Variants in TAF1 observed in about 807,000 individuals in gnomAD.
The protein encoded by TAF1 is TATA-box binding protein associated factor 1, also known as transcription initiation factor TFIID subunit 1.
A neutral mutation model predicts 138.5 loss-of-function variants in TAF1; 2 were observed. The observed-to-expected ratio is 0.01, with a 90% CI of 0.01 to 0.05. TAF1 has a LOEUF of 0.05. Ranked by LOEUF, TAF1 falls within the 10% of genes least tolerant of loss-of-function variation. The probability of loss-of-function intolerance (pLI) is 1.00; values close to 1 mark genes in which losing one functional copy is unlikely to be tolerated. For synonymous variants in TAF1, 437 were observed against 503.2 expected, an observed-to-expected ratio of 0.87 and a Z score of 1.76; for missense variants, 709 against 1,478.0, an observed-to-expected ratio of 0.48 and a Z score of 8.53.
chrX:71,520,014 A>G (rs1569416687), intron 13 of TAF1, among the ~76,000 whole-genome samples: 1 of 108,388 alleles, frequency 9.2e-6, no homozygotes, highest in Non-Finnish European at 1.9e-5. Flanking sequence ...GGGTTTCGCC[A>G]TGTTGGTCAG....
At chrX:71,529,239 T>C (rs1024156787) in intron 14 of TAF1, among the ~76,000 whole-genome samples, 1 of 110,047 alleles carries the variant, frequency 9.1e-6, no homozygotes, top group Non-Finnish European at 1.9e-5. Context: ...GCCTGACTAA[T>C]TTTTTGTATT....
intron 29 of TAF1, among the ~76,000 whole-genome samples, chrX:71,422,728 A>C (rs192035427): frequency 1.2e-4 from 13 of 110,479 alleles, no homozygotes; most frequent in Non-Finnish European, 2.1e-4. Context: ...AATTATCCTT[A>C]ATTTATTTTT....
chrX:71,411,607 A>G (rs776956481), intron 28 of TAF1, among the ~76,000 whole-genome samples: 14 of 112,566 alleles, frequency 1.2e-4, no homozygotes, highest in Non-Finnish European at 2.1e-4. Context: ...ATGCCTCACA[A>G]CCCTGCACTT....
At chrX:71,471,771 C>A (rs2038894886) in intron 13 of TAF1, among the ~76,000 whole-genome samples, 1 of 111,744 alleles carries the variant, frequency 8.9e-6, no homozygotes, top group South Asian at 3.7e-4. Context: ...TTCTCAGGTC[C>A]AAATACCCCC....
intron 18 of TAF1, among the ~76,000 whole-genome samples, chrX:71,390,480 G>A (rs377311630): frequency 3.6e-5 from 4 of 111,459 alleles, no homozygotes; most frequent in African/African-American, 1.3e-4. Flanking sequence ...GATTTCGATT[G>A]GATGATAATT....
chrX:71,396,828 T>A lies in TAF1; in HGVS notation c.3407-425T>A, dbSNP rs761698764. Among the ~76,000 whole-genome samples the A allele has an allele frequency of 2.8e-5, 3 of 108,160 alleles. No homozygotes were observed. The East Asian group carries it at 8.8e-4, about 32-fold the overall frequency. The allele number at this position is 108,160 out of a possible 115,157, so 93.9% of individuals were successfully genotyped here. A position where few individuals can be genotyped will look rare whatever the true frequency, so the allele number is the denominator to read the frequency against. ...CTGGCCTATCTCTTGAGCCCAGGAG[T>A]TAGAGACCAGCCTAGGCAATGTGAC... is the stretch of plus-strand genomic sequence containing the variant. On this transcript the variant is annotated intron_variant, in intron 22 of 37. Transcript: ENST00000423759.
Position 71,400,328 on chromosome X carries a change from T to C in TAF1, c.3787-1200T>C, listed in dbSNP as rs775595322. ...CTAATCTCAAACTCCTGGCTTCAAG[T>C]GATCCTCCCACCTTGGCCTCCCAAA... On this transcript the variant is annotated intron_variant, in intron 24 of 37. Transcript: ENST00000423759. 2.7e-5 allele frequency among the ~76,000 whole-genome samples: 3 copies of C among 111,634 alleles called. No individual in the cohort carries two copies. In the East Asian group the frequency reaches 8.4e-4, roughly 31 times the overall value.
chrX:71,420,866 T>C (rs1299957087), intron 28 of TAF1, among the ~76,000 whole-genome samples: 1 of 112,140 alleles, frequency 8.9e-6, no homozygotes, highest in Non-Finnish European at 1.9e-5. Context: ...GTTCCCGTAG[T>C]CCCCTACGCC....
downstream of TAF1, among the ~76,000 whole-genome samples, chrX:71,467,336 G>A (rs2038786151): frequency 9.1e-6 from 1 of 110,124 alleles, no homozygotes; most frequent in African/African-American, 3.3e-5. Flanking sequence ...CAGAACTTCT[G>A]GGCTCAAGCA....
chrX:71,398,540 A>AT (rs2034987763), intron 23 of TAF1, 32 bp from the exon 24 acceptor site: 1 of 1,202,281 alleles, frequency 8.3e-7, no homozygotes, highest in Non-Finnish European at 1.1e-6. Flanking sequence ...TGGTCCTGTG[A>AT]TTTTTCTTCC....
intron 27 of TAF1, 94 bp downstream of exon 27, chrX:71,407,766 G>A: frequency 2.0e-6 from 2 of 1,022,231 alleles, no homozygotes; most frequent in Non-Finnish European, 2.7e-6. Flanking sequence ...TGTAGATTTA[G>A]GTAACTGGAA....
chrX:71,394,636 A>AT (rs1409939845), intron 22 of TAF1, among the ~76,000 whole-genome samples: 2 of 112,204 alleles, frequency 1.8e-5, no homozygotes, highest in Non-Finnish European at 3.8e-5. Context: ...GCATTTTATT[A>AT]TTTTTTTATT....
chrX:71,415,041 AAAG>A (rs2035966989), intron 28 of TAF1, among the ~76,000 whole-genome samples: 1 of 78,941 alleles, frequency 1.3e-5, no homozygotes, highest in South Asian at 7.5e-4. Flanking sequence ...AAGAAAGAAA[AAAG>A]AAATGGTTAA....
chrX:71,447,136 T>A (rs925077802), intron 32 of TAF1, among the ~76,000 whole-genome samples: 12 of 111,758 alleles, frequency 1.1e-4, no homozygotes, highest in African/African-American at 2.3e-4. Flanking sequence ...TCTTTTTTTT[T>A]AAACTTTCTA....
chrX:71,417,867 CTA>C (rs2036109760), intron 28 of TAF1, among the ~76,000 whole-genome samples: 3 of 111,230 alleles, frequency 2.7e-5, no homozygotes, highest in African/African-American at 9.8e-5. Flanking sequence ...TACTAATACT[CTA>C]TTTTTAAAAA....
chrX:71,412,780 G>T (rs899576764), intron 28 of TAF1, among the ~76,000 whole-genome samples: 1 of 112,364 alleles, frequency 8.9e-6, no homozygotes, highest in Non-Finnish European at 1.9e-5. Context: ...AGTAGAGACG[G>T]TTTCACTGTG....
At chrX:71,499,835 G>C (rs2039464560) in intron 13 of TAF1, among the ~76,000 whole-genome samples, 2 of 112,010 alleles carry the variant, frequency 1.8e-5, no homozygotes, top group Non-Finnish European at 3.8e-5. Flanking sequence ...GCCAGGGTTT[G>C]ATCTAACAAT....
At position 71,503,275 on chromosome X, in the gene TAF1, A is replaced by T. The variant is rs188003909; in HGVS notation, c.1367-25267A>T. On this transcript the variant is annotated intron_variant and NMD_transcript_variant, in intron 13 of 14. Transcript: ENST00000373775. ...GACAGAGTGAGACTGTCTCAAAAAA[A>T]AAATATATATATATATATATGTGTA... is the stretch of plus-strand genomic sequence containing the variant. Among the ~76,000 whole-genome samples, 664 of 85,534 alleles carry T rather than the reference A, an allele frequency of 7.8e-3. 7 individuals carry two copies. Among genetic ancestry groups the T allele is most frequent in the East Asian group, 0.048 (139 of 2,910 alleles). 74.3% of individuals were successfully genotyped at this position (85,534 alleles called of 115,157 possible). A position where few individuals can be genotyped will look rare whatever the true frequency, so the allele number is the denominator to read the frequency against.
intron 13 of TAF1, among the ~76,000 whole-genome samples, chrX:71,511,075 C>T (rs988141553): frequency 3.6e-5 from 4 of 110,367 alleles, no homozygotes; most frequent in African/African-American, 9.9e-5. Context: ...TGCACTCTAG[C>T]CTGGGCAACA....
Sources: gnomAD v4.1 joint callset for allele counts (sites outside exome capture counted in the v4.1 genomes callset) on GRCh38, gnomAD v4.1.1 for gene constraint, MANE v1.5 for transcripts, NCBI Gene and HGNC (gene_info 2026-07-23, HGNC 2026-07-21) for gene names.